FARS2: variants seen among roughly 807,000 people sequenced by gnomAD.
The protein encoded by FARS2 is phenylalanine--tRNA ligase, mitochondrial.
A neutral mutation model predicts 46.4 loss-of-function variants in FARS2; 40 were observed. The ratio of observed to expected loss-of-function variants is 0.86; its 90% CI spans 0.67 to 1.12. The LOEUF is 1.12. FARS2 is among the 50% of genes most tolerant of loss of function. FARS2 has a pLI of 0.00. For missense variants in FARS2, 513 were observed against 567.9 expected (o/e 0.90, Z 0.98); for synonymous variants, 234 against 214.9 (o/e 1.09, Z -0.78).
intron 4 of FARS2, among the ~76,000 whole-genome samples, chr6:5,523,386 G>A (rs1769262697): frequency 6.6e-6 from 1 of 151,988 alleles, no homozygotes; most frequent in African/African-American, 2.4e-5. Context: ...GAATCCACCA[G>A]CATGGGTGTG....
chr6:5,619,192 G>A (rs970531122), intron 6 of FARS2, among the ~76,000 whole-genome samples: 1 of 152,196 alleles, frequency 6.6e-6, no homozygotes, highest in Non-Finnish European at 1.5e-5. Context: ...GTAAGACAAA[G>A]TAGACCTTAA....
At chr6:5,263,241 T>C (rs1196529493) in intron 1 of FARS2, among the ~76,000 whole-genome samples, 1 of 152,236 alleles carries the variant, frequency 6.6e-6, no homozygotes, top group Non-Finnish European at 1.5e-5. Context: ...TGTATCTAAA[T>C]TACTCAACTT....
chr6:5,391,884 T>C (rs1311160766), intron 2 of FARS2, among the ~76,000 whole-genome samples: 2 of 152,236 alleles, frequency 1.3e-5, no homozygotes, highest in Non-Finnish European at 2.9e-5. Context: ...TCAGTAGTTC[T>C]GAACTACTTT....
intron 1 of FARS2, among the ~76,000 whole-genome samples, chr6:5,355,940 A>C (rs1296077947): frequency 6.6e-6 from 1 of 152,144 alleles, no homozygotes; most frequent in Non-Finnish European, 1.5e-5. Flanking sequence ...CCTCAAAATA[A>C]GCACTTGAGG....
At chr6:5,744,897 C>T (rs1247219794) in intron 6 of FARS2, among the ~76,000 whole-genome samples, 8 of 152,020 alleles carry the variant, frequency 5.3e-5, no homozygotes, top group South Asian at 4.2e-4. Context: ...AAATAATGCC[C>T]GAATCAAGAG....
intron 4 of FARS2, among the ~76,000 whole-genome samples, chr6:5,523,568 T>C (rs1769278517): frequency 6.6e-6 from 1 of 152,214 alleles, no homozygotes; most frequent in Non-Finnish European, 1.5e-5. Context: ...GTGGTATGCC[T>C]GTGGGCTCTT....
intron 1 of FARS2, among the ~76,000 whole-genome samples, chr6:5,304,677 C>T (rs778385864): frequency 2.0e-5 from 3 of 151,978 alleles, no homozygotes; most frequent in Non-Finnish European, 4.4e-5. Context: ...CTTGTTGGCG[C>T]GTTTGTGTAT....
chr6:5,362,970 A>G lies in FARS2; in HGVS notation c.-21-5580A>G, dbSNP rs1249824593. Among the ~76,000 whole-genome samples, 4 of 127,262 alleles carry G rather than the reference A, an allele frequency of 3.1e-5. No individual in the cohort carries two copies. The South Asian group carries it at 1.0e-3, about 32-fold the overall frequency. 83.5% of individuals were successfully genotyped at this position (127,262 alleles called of 152,430 possible). ...GACATGGAGTCTCACTCTGTCGCCCAGGCTGGAGTGCAGTGGCGCGATCTC... is the reference window on the plus strand; with the variant it reads ...GACATGGAGTCTCACTCTGTCGCCCGGGCTGGAGTGCAGTGGCGCGATCTC... On this transcript the variant is annotated intron_variant, in intron 1 of 6. Coordinates refer to ENST00000274680, the MANE Select transcript of FARS2 (RefSeq NM_006567.5).
chr6:5,272,871 A>C (rs1766062169), intron 1 of FARS2, among the ~76,000 whole-genome samples: 1 of 152,008 alleles, frequency 6.6e-6, no homozygotes, highest in Admixed American at 6.6e-5. Context: ...CATGAGATTC[A>C]CTTTTTTAGC....
chr6:5,444,321 G>C (rs927371813), intron 4 of FARS2, among the ~76,000 whole-genome samples: 1 of 151,856 alleles, frequency 6.6e-6, no homozygotes, highest in African/African-American at 2.4e-5. Flanking sequence ...ACAAAAATTA[G>C]CTGGGCATGG....
At chr6:5,642,888 A>G (rs1776891939) in intron 6 of FARS2, among the ~76,000 whole-genome samples, 1 of 152,212 alleles carries the variant, frequency 6.6e-6, no homozygotes. Context: ...GATGTCTTCG[A>G]AGAGCCCACT....
At chr6:5,410,835 A>G (rs536757845) in intron 3 of FARS2, among the ~76,000 whole-genome samples, 91 of 152,308 alleles carry the variant, frequency 6.0e-4, no homozygotes, top group Admixed American at 1.6e-3. Context: ...AATCACATCA[A>G]AAATTTTAAG....
In FARS2 at chr6:5,354,730, G is replaced by A. The variant is rs184367296; in HGVS notation, c.-21-13820G>A. ...GGGTTTCACCATGTTAGCCAGGATG[G>A]TCTCGATCTCCTGACCTCGTGATCC... On this transcript the variant is annotated intron_variant, in intron 1 of 6. Coordinates refer to ENST00000274680, the MANE Select transcript of FARS2 (RefSeq NM_006567.5). Among the ~76,000 whole-genome samples, 800 of 152,182 alleles carry A rather than the reference G, an allele frequency of 5.3e-3. 5 individuals carry two copies. The highest frequency in any genetic ancestry group is 0.018 in the African/African-American group (743 of 41,526).
intron 4 of FARS2, among the ~76,000 whole-genome samples, chr6:5,513,887 G>T (rs1370852083): frequency 1.3e-5 from 2 of 150,936 alleles, no homozygotes; most frequent in Admixed American, 6.6e-5. Context: ...AAGAGTTCAA[G>T]AAAAAATGAC....
intron 2 of FARS2, among the ~76,000 whole-genome samples, chr6:5,397,191 A>AAGCTGAAAAGGCTCCATACTCT (rs1760958019): frequency 1.3e-5 from 2 of 152,318 alleles, no homozygotes; most frequent in South Asian, 4.1e-4. Context: ...GAAGGAAGAC[A>AAGCTGAAAAGGCTCCATACTCT]AGCTGAAAAG....
At chr6:5,305,928 A>G (rs543117476) in intron 1 of FARS2, among the ~76,000 whole-genome samples, 1 of 152,334 alleles carries the variant, frequency 6.6e-6, no homozygotes, top group East Asian at 1.9e-4. Context: ...TCAAAATTCA[A>G]TTCTATTCAA....
intron 4 of FARS2, among the ~76,000 whole-genome samples, chr6:5,469,288 T>C (rs75265606): frequency 0.037 from 5,627 of 152,306 alleles, 325 homozygotes; most frequent in African/African-American, 0.13. Context: ...GTTGCTGCAC[T>C]GCCTTGACCC....
chr6:5,253,716 C>T, the FARS2 span, among the ~76,000 whole-genome samples: 44 of 152,104 alleles, frequency 2.9e-4, no homozygotes, highest in African/African-American at 9.9e-4. Flanking sequence ...GGAAACTGAT[C>T]CTCTTACAAT....
chr6:5,598,634 C>A (rs1336196468), intron 5 of FARS2, among the ~76,000 whole-genome samples: 1 of 152,162 alleles, frequency 6.6e-6, no homozygotes, highest in African/African-American at 2.4e-5. Context: ...TGAATGTCTA[C>A]TGGGGGGCTG....
Sources: gnomAD v4.1 joint callset for allele counts (sites outside exome capture counted in the v4.1 genomes callset) on GRCh38, gnomAD v4.1.1 for gene constraint, MANE v1.5 for transcripts, NCBI Gene and HGNC (gene_info 2026-07-23, HGNC 2026-07-21) for gene names.